TNS3: variants seen among roughly 807,000 people sequenced by gnomAD.
TNS3 encodes the protein tensin-3.
TNS3 carries 45 observed loss-of-function variants against 140.9 expected under a neutral mutation model. The observed-to-expected ratio is 0.32, with a 90% confidence interval of 0.25 to 0.41. The LOEUF is 0.41. TNS3 is among the 10% of genes least tolerant of loss of function. The pLI, the probability that TNS3 is intolerant of heterozygous loss-of-function variation, is 1.00. For synonymous variants in TNS3, 815 were observed against 788.4 expected (o/e 1.03, Z -0.56); for missense variants, 1,716 against 1,906.7 (o/e 0.90, Z 1.86).
At chr7:47,401,457 C>T (rs951505444) in intron 13 of TNS3, among the ~76,000 whole-genome samples, 9 of 152,038 alleles carry the variant, frequency 5.9e-5, no homozygotes, top group African/African-American at 2.2e-4. Flanking sequence ...GACAGAGATA[C>T]AAAGAAGGAG....
At chr7:47,401,211 A>C (rs780594547) in intron 13 of TNS3, among the ~76,000 whole-genome samples, 1 of 152,238 alleles carries the variant, frequency 6.6e-6, no homozygotes, top group East Asian at 1.9e-4. Context: ...GCTAGTCCTC[A>C]GAGAGGCCAC....
At chr7:47,280,857 G>C (rs1235694320) in intron 28 of TNS3, among the ~76,000 whole-genome samples, 2 of 152,226 alleles carry the variant, frequency 1.3e-5, no homozygotes, top group East Asian at 3.9e-4. Flanking sequence ...AGGTTGCAGT[G>C]GGCTGAGATC....
intron 4 of TNS3, among the ~76,000 whole-genome samples, chr7:47,476,071 A>T (rs1233038182): frequency 6.6e-6 from 1 of 152,228 alleles, no homozygotes; most frequent in African/African-American, 2.4e-5. Flanking sequence ...CCTTCACAGG[A>T]CAACCAACCA....
chr7:47,307,603 A>G (rs1234373540), intron 20 of TNS3, among the ~76,000 whole-genome samples: 1 of 152,226 alleles, frequency 6.6e-6, no homozygotes, highest in African/African-American at 2.4e-5. Context: ...TCCTGCCCCT[A>G]CTTGGTATGG....
At chr7:47,532,467 C>T (rs1232908645) in intron 1 of TNS3, among the ~76,000 whole-genome samples, 1 of 152,168 alleles carries the variant, frequency 6.6e-6, no homozygotes, top group Non-Finnish European at 1.5e-5. Flanking sequence ...GAGCTACCCT[C>T]TCTGCCGAGA....
chr7:47,413,785 A>T, intron 12 of TNS3, 152 bp downstream of exon 12: 1 of 911,590 alleles, frequency 1.1e-6, no homozygotes, highest in Non-Finnish European at 1.6e-6. Flanking sequence ...CCACGAGAGG[A>T]TTTTCCCCAC....
intron 23 of TNS3, among the ~76,000 whole-genome samples, chr7:47,300,372 C>A (rs754797438): frequency 6.6e-6 from 1 of 152,232 alleles, no homozygotes; most frequent in Non-Finnish European, 1.5e-5. Flanking sequence ...GTCCTCCCAG[C>A]AAACCTTCTA....
intron 2 of TNS3, among the ~76,000 whole-genome samples, chr7:47,520,322 A>T (rs1231514078): frequency 6.6e-6 from 1 of 152,206 alleles, no homozygotes. Context: ...CCATCTGAAT[A>T]AACCAACAGA....
intron 6 of TNS3, 49 bp downstream of exon 6, chr7:47,439,438 G>A (rs1795350542): frequency 7.5e-6 from 12 of 1,597,416 alleles, no homozygotes; most frequent in Non-Finnish European, 1.0e-5. Flanking sequence ...CCTACACAGT[G>A]CCTGCTGCAG....
intron 4 of TNS3, among the ~76,000 whole-genome samples, chr7:47,462,868 T>C (rs1463628314): frequency 2.0e-5 from 3 of 152,178 alleles, no homozygotes; most frequent in Admixed American, 6.5e-5. Flanking sequence ...TTGCCTATCA[T>C]AGGTTCACAG....
chr7:47,337,663 A>C (rs17882702), intron 20 of TNS3, among the ~76,000 whole-genome samples: 23,321 of 152,198 alleles, frequency 0.15, 2,179 homozygotes, highest in Admixed American at 0.24. Context: ...CAGCAGCCAC[A>C]GTGATGTGTG....
At position 47,376,726 on chromosome 7, in the gene TNS3, G is replaced by GACACACACACACACACACACACAC. The variant is rs148067728; in HGVS notation, c.1025-7129_1025-7106dup. Among the ~76,000 whole-genome samples, 1,059 of 144,296 alleles carry GACACACACACACACACACACACAC rather than the reference G, an allele frequency of 7.3e-3. 21 individuals are homozygous for GACACACACACACACACACACACAC. The highest frequency in any genetic ancestry group is 0.023 in the African/African-American group (889 of 39,024). 94.7% of individuals were successfully genotyped at this position (144,296 alleles called of 152,430 possible). ...TTCACAGATCAACTATCTAGATCAAGACACACACACACACACACACACACA... is the reference window on the plus strand; with the variant it reads ...TTCACAGATCAACTATCTAGATCAAGACACACACACACACACACACACACACACACACACACACACACACACACA... On this transcript the variant is annotated intron_variant, in intron 16 of 30. Coordinates refer to ENST00000311160, the MANE Select transcript of TNS3 (RefSeq NM_022748.12).
chr7:47,376,726 GACACACACACAC>G (rs148067728), intron 16 of TNS3, among the ~76,000 whole-genome samples: 1 of 144,252 alleles, frequency 6.9e-6, no homozygotes, highest in Non-Finnish European at 1.5e-5. Context: ...TCTAGATCAA[GACACACACACAC>G]ACACACACAC....
rs532413114 is a variant in TNS3, at chr7:47,302,192, C to G, written c.3538G>C (p.Glu1180Gln). 96 of 1,614,066 alleles carry G rather than the reference C, an allele frequency of 5.9e-5. 1 individual carries two copies. In the South Asian group the frequency reaches 9.6e-4, roughly 16 times the overall value. Reference protein sequence around the residue: ...KFWYKADISREQAIAMLKDKE... With the variant: ...KFWYKADISRQQAIAMLKDKE... ...CCTCATCCTCCCCACATACCTTGTT[C>G]TCTTGAAATATCCGCCTTGTACCAG... The change falls in exon 23 of 31, where the codon GAA (glutamate) becomes CAA (glutamine). Residue 1180 changes from glutamate (E) to glutamine (Q), a missense_variant. Glu to Gln is a conservative substitution (Grantham distance 29). This residue lies in a region of TNS3 where 1,163 missense variants were observed against 1,182.1 expected (regional missense o/e 0.98). Transcript: ENST00000311160.
At chr7:47,368,281 A>G (rs1790821879) in intron 17 of TNS3, 84 bp downstream of exon 17, 1 of 1,298,306 alleles carries the variant, frequency 7.7e-7, no homozygotes, top group South Asian at 2.5e-5. Flanking sequence ...GCCAAAAGCT[A>G]ACCTACTAGG....
chr7:47,344,885 A>T, intron 19 of TNS3, 39 bp downstream of exon 19: 2 of 1,612,538 alleles, frequency 1.2e-6, no homozygotes, highest in Non-Finnish European at 1.7e-6. Flanking sequence ...CTCCTTGGGC[A>T]TGGAGCAGCA....
At chr7:47,455,122 G>A (rs555418757) in intron 4 of TNS3, among the ~76,000 whole-genome samples, 18 of 152,254 alleles carry the variant, frequency 1.2e-4, no homozygotes, top group African/African-American at 4.1e-4. Flanking sequence ...ATGGGATGTC[G>A]GGGGTGCTGA....
At chr7:47,335,772 A>G (rs968665033) in intron 20 of TNS3, among the ~76,000 whole-genome samples, 1 of 152,192 alleles carries the variant, frequency 6.6e-6, no homozygotes, top group Non-Finnish European at 1.5e-5. Flanking sequence ...TTCTGGTCCA[A>G]TCTTCTCAAG....
At position 47,389,154 on chromosome 7, in the gene TNS3, A is replaced by AAGC. The variant is rs1554310554; in HGVS notation, c.1024+7643_1024+7645dup. Among the ~76,000 whole-genome samples the AAGC allele has an allele frequency of 9.1e-4, 75 of 82,284 alleles. 19 individuals are homozygous for AAGC. The East Asian group carries it at 0.01, about 11-fold the overall frequency. 54.0% of individuals were successfully genotyped at this position (82,284 alleles called of 152,430 possible). ...GAAGAAGAAGAAGAAGAAGAAGAAG[A>AAGC]AGCAGAAGAAGCAGCAGAAGCAGAA... is the stretch of plus-strand genomic sequence containing the variant. On this transcript the variant is annotated intron_variant, in intron 16 of 30. Transcript: ENST00000311160.
Sources: gnomAD v4.1 joint callset for allele counts (sites outside exome capture counted in the v4.1 genomes callset) on GRCh38, gnomAD v4.1.1 for gene constraint, gnomAD v4.1.1 regional missense constraint, MANE v1.5 for transcripts, NCBI Gene and HGNC (gene_info 2026-07-23, HGNC 2026-07-21) for gene names.